The following OLAH variants were observed in gnomAD, a reference collection of about 807,000 sequenced individuals.
OLAH encodes S-acyl fatty acid synthase thioesterase, medium chain.
A neutral mutation model predicts 27.8 loss-of-function variants in OLAH; 33 were observed. The observed-to-expected ratio is 1.19, with a 90% CI of 0.90 to 1.59. OLAH has a LOEUF of 1.59. OLAH is among the 40% of genes most tolerant of loss of function. The probability of loss-of-function intolerance (pLI) is 0.00; values close to 1 mark genes in which losing one functional copy is unlikely to be tolerated. For missense variants in OLAH, 359 were observed against 310.8 expected (o/e 1.16, Z -1.17); for synonymous variants, 120 against 102.9 (o/e 1.17, Z -1.01).
chr10:15,068,562 T>G (rs1222546772), intron 6 of OLAH, among the ~76,000 whole-genome samples: 1 of 152,010 alleles, frequency 6.6e-6, no homozygotes, highest in Non-Finnish European at 1.5e-5. Flanking sequence ...CCAGCTAATT[T>G]TTTTGTATTT....
At chr10:15,046,756 C>T (rs1006832763) in intron 1 of OLAH, among the ~76,000 whole-genome samples, 20 of 152,172 alleles carry the variant, frequency 1.3e-4, no homozygotes, top group African/African-American at 4.8e-4. Context: ...TAAAAGAGCA[C>T]AACTTTACAA....
chr10:15,062,552 T>C (rs1374881297), intron 4 of OLAH, among the ~76,000 whole-genome samples: 1 of 151,278 alleles, frequency 6.6e-6, no homozygotes, highest in Non-Finnish European at 1.5e-5. Context: ...TCACAGGATG[T>C]GAAAGATGTT....
intron 1 of OLAH, among the ~76,000 whole-genome samples, chr10:15,045,531 C>A (rs1843999498): frequency 6.6e-6 from 1 of 152,078 alleles, no homozygotes; most frequent in Non-Finnish European, 1.5e-5. Flanking sequence ...GTGGCTCTGG[C>A]CCAGAATTAC....
chr10:15,066,663 T>C (rs985196248), intron 6 of OLAH, among the ~76,000 whole-genome samples: 2 of 150,570 alleles, frequency 1.3e-5, no homozygotes, highest in Non-Finnish European at 3.0e-5. Context: ...ATTTTTGAGA[T>C]GGAGTCTCAC....
intron 3 of OLAH, among the ~76,000 whole-genome samples, chr10:15,053,169 G>A (rs192944722): frequency 6.6e-6 from 1 of 152,068 alleles, no homozygotes; most frequent in African/African-American, 2.4e-5. Context: ...TAGGTAGTTA[G>A]ACATAAACAA....
chr10:15,069,788 C>T (rs146411151), intron 6 of OLAH, among the ~76,000 whole-genome samples: 5,404 of 152,200 alleles, frequency 0.036, 126 homozygotes, highest in African/African-American at 0.06. Flanking sequence ...ATCACTTGAA[C>T]CCAGGAGACA....
intron 1 of OLAH, among the ~76,000 whole-genome samples, chr10:15,035,899 C>T (rs1405696568): frequency 6.6e-6 from 1 of 152,146 alleles, no homozygotes; most frequent in Non-Finnish European, 1.5e-5. Flanking sequence ...TTTCATTGCT[C>T]ATGTTCTCAT....
At chr10:15,071,553 C>T in intron 6 of OLAH, 1 of 985,390 alleles carries the variant, frequency 1.0e-6, no homozygotes. Flanking sequence ...ACTGTGTGCC[C>T]CAGTGCCATC....
upstream of OLAH, among the ~76,000 whole-genome samples, chr10:15,039,672 C>T (rs1210055538): frequency 6.6e-6 from 1 of 152,150 alleles, no homozygotes; most frequent in Admixed American, 6.5e-5. Context: ...TGTAAGCATA[C>T]GGACAGCTGC....
chr10:15,067,873 T>C (rs570145728), intron 6 of OLAH, among the ~76,000 whole-genome samples: 1 of 152,296 alleles, frequency 6.6e-6, no homozygotes, highest in Non-Finnish European at 1.5e-5. Flanking sequence ...AGCCGAGAAG[T>C]GCCAGAAGCT....
chr10:15,062,967 G>T (rs1483521151), intron 4 of OLAH, among the ~76,000 whole-genome samples: 1 of 152,078 alleles, frequency 6.6e-6, no homozygotes, highest in South Asian at 2.1e-4. Flanking sequence ...TCAAACTGCT[G>T]ACCTCGAGTG....
rs190938250 is a variant in OLAH, at chr10:15,073,553, G to C, written c.*324G>C. The C allele has an allele frequency of 7.2e-3, 1,364 of 190,198 alleles. 14 individuals carry two copies. Among genetic ancestry groups the C allele is most frequent in the African/African-American group, 0.031 (1,302 of 41,716 alleles). The allele number at this position is 190,198 out of a possible 1,614,324, so 11.8% of individuals were successfully genotyped here. ...TGGGCACCTGTAGTCCCAGCTACTC[G>C]GGAGGCTGAGGCAGGAGAATGGTGT... On this transcript the variant is annotated 3_prime_UTR_variant, in exon 8 of 8. Transcript: ENST00000378228.
chr10:15,049,869 G>T (rs1160162979), intron 3 of OLAH, 104 bp downstream of exon 3: 3 of 1,078,070 alleles, frequency 2.8e-6, no homozygotes, highest in Non-Finnish European at 2.7e-6. Context: ...GTAGGTAATT[G>T]ATAATAAACT....
chr10:15,044,064 T>C (rs1843969519), intron 1 of OLAH, 78 bp downstream of exon 1: 1 of 152,174 alleles, frequency 6.6e-6, no homozygotes, highest in African/African-American at 2.4e-5. Flanking sequence ...GCACAGCCTA[T>C]AGTTGGATTA....
At chr10:15,032,620 CAAAAAAAAAAAAA>C (rs71390005) in intron 1 of OLAH, among the ~76,000 whole-genome samples, 2 of 95,656 alleles carry the variant, frequency 2.1e-5, no homozygotes, top group Non-Finnish European at 4.0e-5. Context: ...GACTCAGTTT[CAAAAAAAAAAAAA>C]AAAAAAGAAA....
At chr10:15,055,520 T>A (rs939068219) in intron 3 of OLAH, among the ~76,000 whole-genome samples, 9 of 152,184 alleles carry the variant, frequency 5.9e-5, no homozygotes, top group African/African-American at 2.2e-4. Context: ...CACTCTGATA[T>A]CAAGTCTCAA....
chr10:15,072,984 G>C (rs183258933), intron 7 of OLAH, 103 bp from the exon 8 acceptor site: 2 of 1,084,426 alleles, frequency 1.8e-6, no homozygotes, highest in East Asian at 4.7e-5. Flanking sequence ...GGCCTTGAAA[G>C]TAACCGTACT....
At chr10:15,041,530 G>A (rs921515886), upstream of OLAH, among the ~76,000 whole-genome samples, 28 of 148,278 alleles carry the variant, frequency 1.9e-4, no homozygotes, top group Admixed American at 6.1e-4. Flanking sequence ...CGCCTGCCTC[G>A]GCCTCCCAAA....
upstream of OLAH, among the ~76,000 whole-genome samples, chr10:15,041,290 TTTTTGAGACAGAG>T (rs1249509986): frequency 2.6e-5 from 4 of 151,712 alleles, no homozygotes; most frequent in Non-Finnish European, 2.9e-5. Context: ...ATTTTTATTT[TTTTTGAGACAGAG>T]TTTTCGCTCT....
Sources: allele counts gnomAD v4.1 joint callset (sites outside exome capture counted in the v4.1 genomes callset), GRCh38; gene constraint gnomAD v4.1.1; transcripts MANE v1.5; gene names NCBI Gene and HGNC (gene_info 2026-07-23, HGNC 2026-07-21).